Variants in BTBD7 observed in about 807,000 individuals in gnomAD.
The protein encoded by BTBD7 is BTB/POZ domain-containing protein 7.
BTBD7 carries 38 observed loss-of-function variants against 99.9 expected under a neutral mutation model. That is an observed-to-expected ratio of 0.38 (90% CI 0.29 to 0.50). The LOEUF is 0.50. Ranked by LOEUF, BTBD7 falls within the 20% of genes least tolerant of loss-of-function variation. The pLI is 0.93. For synonymous variants in BTBD7, 520 were observed against 511.4 expected (o/e 1.02, Z -0.23); for missense variants, 1,170 against 1,394.6 (o/e 0.84, Z 2.57).
At chr14:93,250,530 C>CTA (rs2052358321) in intron 8 of BTBD7, among the ~76,000 whole-genome samples, 1 of 152,214 alleles carries the variant, frequency 6.6e-6, no homozygotes, top group Non-Finnish European at 1.5e-5. Flanking sequence ...AGTTCTGTCA[C>CTA]TATGTCTTTT....
intron 6 of BTBD7, among the ~76,000 whole-genome samples, chr14:93,254,629 C>T (rs1193468445): frequency 1.3e-5 from 2 of 152,166 alleles, no homozygotes; most frequent in East Asian, 3.9e-4. Context: ...TTAAGGGCTC[C>T]TGTATGGCTC....
intron 3 of BTBD7, among the ~76,000 whole-genome samples, chr14:93,266,300 T>G (rs1566841820): frequency 6.6e-6 from 1 of 152,132 alleles, no homozygotes; most frequent in African/African-American, 2.4e-5. Flanking sequence ...GAGTGCTGTG[T>G]CATTCTGGGC....
chr14:93,263,696 C>A, intron 4 of BTBD7, 89 bp downstream of exon 4: 1 of 1,260,714 alleles, frequency 7.9e-7, no homozygotes. Flanking sequence ...CTTCCCCTGC[C>A]CTACCCTAGA....
At chr14:93,277,008 T>C (rs2052664014) in intron 3 of BTBD7, among the ~76,000 whole-genome samples, 1 of 149,212 alleles carries the variant, frequency 6.7e-6, no homozygotes, top group Non-Finnish European at 1.5e-5. Flanking sequence ...TTCAAGCAAT[T>C]CTCTGATCTC....
rs770688110 is a variant in BTBD7 at position 93,242,698 on chromosome 14, A to G, written c.2974T>C (p.Tyr992His). 1.2e-6 allele frequency: 2 copies of G among 1,614,186 alleles called. No individual in the cohort carries two copies. The highest frequency in any genetic ancestry group is 4.5e-5 in the East Asian group (2 of 44,888). ...TTAGGAGACGTCTGACCAGGTAGGT[A>G]GGCTGACTTTAAGCCACTTGGTGAT... ...KASPSGLKSAYLPGQTSPKKQ... is the reference protein window; with the variant it reads ...KASPSGLKSAHLPGQTSPKKQ... The change falls in exon 11 of 11, where the codon TAC becomes CAC. Residue 992 changes from tyrosine (Y) to histidine (H), a missense_variant. Around this residue, in one of 4 missense-constraint regions of BTBD7, gnomAD observed 495 missense variants for 525.9 expected, o/e 0.94. Transcript: ENST00000334746.
intron 7 of BTBD7, among the ~76,000 whole-genome samples, chr14:93,252,917 A>G (rs2052385211): frequency 6.6e-6 from 1 of 151,862 alleles, no homozygotes; most frequent in Non-Finnish European, 1.5e-5. Flanking sequence ...TTTGCCTCCC[A>G]GGCTCAGGTG....
intron 4 of BTBD7, among the ~76,000 whole-genome samples, chr14:93,262,035 G>A (rs747076371): frequency 6.6e-6 from 1 of 152,034 alleles, no homozygotes; most frequent in Non-Finnish European, 1.5e-5. Flanking sequence ...GTGCCATCAT[G>A]GGTCTCTGCA....
chr14:93,268,653 C>A (rs938524477), intron 3 of BTBD7, among the ~76,000 whole-genome samples: 1 of 151,916 alleles, frequency 6.6e-6, no homozygotes, highest in Non-Finnish European at 1.5e-5. Flanking sequence ...AAATAAGTTA[C>A]CCAAGGTTAT....
At chr14:93,249,804 G>C (rs1049869256) in intron 8 of BTBD7, among the ~76,000 whole-genome samples, 1 of 152,164 alleles carries the variant, frequency 6.6e-6, no homozygotes, top group African/African-American at 2.4e-5. Context: ...TGAGAGGCGG[G>C]AACACGGGTT....
In BTBD7 at chr14:93,263,887, T is replaced by C; in HGVS notation, c.1269A>G (p.Leu423=). 13 of 1,614,158 alleles carry C rather than the reference T, an allele frequency of 8.1e-6. No individual in the cohort carries two copies. Among genetic ancestry groups the C allele is most frequent in the Non-Finnish European group, 1.1e-5 (13 of 1,180,012 alleles). ...GGGAAAATTCCTCACAGAGGAAATG[T>C]AAAGCTTGTCGGTGCACCCATTTAG... ...YGSKWVHRQA[L]HFLCEEFSQV... The change falls in exon 4 of 11, where the codon TTA becomes TTG. Residue 423 remains leucine, a synonymous_variant. Transcript: ENST00000334746.
intron 1 of BTBD7, among the ~76,000 whole-genome samples, chr14:93,305,125 A>G (rs921601140): frequency 3.3e-5 from 5 of 152,300 alleles, no homozygotes; most frequent in African/African-American, 2.4e-5. Context: ...GTAAAATTCT[A>G]TTTTTCTTCA....
chr14:93,261,757 G>GA, intron 4 of BTBD7, 80 bp from the exon 5 acceptor site: 1 of 1,002,618 alleles, frequency 1.0e-6, no homozygotes. Context: ...TCGTAGGTGG[G>GA]AAATAACAGC....
intron 1 of BTBD7, chr14:93,332,165 G>A (rs1277346407): frequency 6.6e-6 from 1 of 152,188 alleles, no homozygotes; most frequent in African/African-American, 2.4e-5. Flanking sequence ...GTGCAAATAA[G>A]GTACTGAAAT....
chr14:93,268,065 C>T (rs552516100), intron 3 of BTBD7, among the ~76,000 whole-genome samples: 45 of 152,318 alleles, frequency 3.0e-4, no homozygotes, highest in Non-Finnish European at 5.0e-4. Context: ...CCCATCCCTG[C>T]GCAGACTCTA....
chr14:93,259,500 G>A (rs2052465487), intron 5 of BTBD7, among the ~76,000 whole-genome samples: 2 of 152,170 alleles, frequency 1.3e-5, no homozygotes, highest in African/African-American at 4.8e-5. Flanking sequence ...TGCTTGTTGG[G>A]AGACCAAGCT....
chr14:93,243,142 T>C (rs2052257279), intron 10 of BTBD7, 54 bp from the exon 11 acceptor site: 3 of 1,449,452 alleles, frequency 2.1e-6, no homozygotes, highest in Admixed American at 2.1e-5. Context: ...CCATCCTCTG[T>C]AGAAATGATG....
chr14:93,331,886 C>CCCCCCA (rs2053427064), intron 1 of BTBD7, among the ~76,000 whole-genome samples: 1 of 147,242 alleles, frequency 6.8e-6, no homozygotes. Flanking sequence ...GTCTCCCCCC[C>CCCCCCA]CCCAAAAAGG....
chr14:93,299,210 T>C (rs567611873), intron 1 of BTBD7, among the ~76,000 whole-genome samples: 1 of 152,332 alleles, frequency 6.6e-6, no homozygotes, highest in East Asian at 1.9e-4. Flanking sequence ...ACAGTTCTAG[T>C]ACTACAGCAA....
At chr14:93,320,316 C>T (rs773488961) in intron 1 of BTBD7, among the ~76,000 whole-genome samples, 24 of 152,128 alleles carry the variant, frequency 1.6e-4, no homozygotes, top group Non-Finnish European at 2.8e-4. Context: ...TTCAAATTGC[C>T]ACAACTGGAC....
Sources: allele counts gnomAD v4.1 joint callset (sites outside exome capture counted in the v4.1 genomes callset), GRCh38; gene constraint gnomAD v4.1.1; regional missense constraint gnomAD v4.1.1; transcripts MANE v1.5; gene names NCBI Gene and HGNC (gene_info 2026-07-23, HGNC 2026-07-21).